USP2: variants seen among roughly 807,000 people sequenced by gnomAD.
USP2 encodes ubiquitin carboxyl-terminal hydrolase 2.
Under a neutral mutation model 72.0 loss-of-function variants are expected in USP2, and 33 were observed. The ratio of observed to expected loss-of-function variants is 0.46; its 90% CI spans 0.35 to 0.61. USP2 has a LOEUF of 0.61. Ranked by LOEUF, USP2 falls within the 20% of genes least tolerant of loss-of-function variation. The probability of loss-of-function intolerance (pLI) is 0.01; values close to 1 mark genes in which losing one functional copy is unlikely to be tolerated. For synonymous variants in USP2, 296 were observed against 312.5 expected (o/e 0.95, Z 0.56); for missense variants, 691 against 797.8 (o/e 0.87, Z 1.61).
At position 119,373,167 on chromosome 11, in the gene USP2, C is replaced by T. The variant is rs751321993; in HGVS notation, c.314G>A (p.Ser105Asn). 1.2e-6 allele frequency: 2 copies of T among 1,614,044 alleles called. No homozygotes were observed. Among genetic ancestry groups the T allele is most frequent in the African/African-American group, 2.7e-5 (2 of 74,920 alleles). ...GAATCCGCTGCCCCCGCTGAGGCCACTGCCTAAAGGCCGCTCAGTACCCCG... is the reference window on the plus strand; with the variant it reads ...GAATCCGCTGCCCCCGCTGAGGCCATTGCCTAAAGGCCGCTCAGTACCCCG... ...QTRGTERPLG[S>N]GLSGGSGFPY... Residue 105 changes from serine (S) to asparagine (N), a missense_variant, in exon 2 of 13, where the codon AGT becomes AAT. Ser to Asn is a conservative substitution (Grantham distance 46, BLOSUM62 1). Coordinates refer to ENST00000260187, the MANE Select transcript of USP2 (RefSeq NM_004205.5).
At chr11:119,372,684 C>G in intron 2 of USP2, 23 bp downstream of exon 2, 1 of 1,507,346 alleles carries the variant, frequency 6.6e-7, no homozygotes, top group South Asian at 1.3e-5. Flanking sequence ...CAGCCTATCC[C>G]CGGTCCCCAA....
intron 2 of USP2, among the ~76,000 whole-genome samples, chr11:119,372,385 A>G (rs576689578): frequency 8.7e-4 from 133 of 152,382 alleles, no homozygotes; most frequent in African/African-American, 3.1e-3. Flanking sequence ...CAAGGCCTGC[A>G]GGAGACACTG....
chr11:119,363,777 G>A, intron 2 of USP2: 1 of 1,210,156 alleles, frequency 8.3e-7, no homozygotes, highest in Non-Finnish European at 1.1e-6. Context: ...GGGGCGCGTG[G>A]CGGGCAGAGG....
In USP2 at chr11:119,373,476, G is replaced by A. The variant is rs772063140; in HGVS notation, c.5C>T (p.Ser2Phe). 2 of 1,577,816 alleles carry A rather than the reference G, an allele frequency of 1.3e-6. No homozygotes were observed. Among genetic ancestry groups the A allele is most frequent in the Non-Finnish European group, 1.7e-6 (2 of 1,168,010 alleles). Residue 2 changes from serine (S) to phenylalanine (F), a missense_variant, in exon 2 of 13, where the codon TCC becomes TTC. Coordinates refer to ENST00000260187, the MANE Select transcript of USP2 (RefSeq NM_004205.5). M[S>F]QLSSTLKRYT... ...GCGCTTCAGGGTGGAGGAGAGCTGGGACATCCTTCAGGGTGGCACTCAGTG... is the reference window on the plus strand; with the variant it reads ...GCGCTTCAGGGTGGAGGAGAGCTGGAACATCCTTCAGGGTGGCACTCAGTG...
chr11:119,376,776 G>A (rs1168611177), intron 1 of USP2, among the ~76,000 whole-genome samples: 1 of 152,252 alleles, frequency 6.6e-6, no homozygotes, highest in African/African-American at 2.4e-5. Flanking sequence ...CCAGGCCCCA[G>A]GCATGTTGAG....
At chr11:119,362,165 C>A (rs1591320791) in intron 2 of USP2, among the ~76,000 whole-genome samples, 1 of 152,276 alleles carries the variant, frequency 6.6e-6, no homozygotes, top group East Asian at 1.9e-4. Context: ...AAAGCAGGCC[C>A]TCAGCTGAGA....
chr11:119,375,024 C>T (rs921033754), intron 1 of USP2, among the ~76,000 whole-genome samples: 2 of 152,206 alleles, frequency 1.3e-5, no homozygotes, highest in Non-Finnish European at 2.9e-5. Context: ...AGCATGGCTC[C>T]GCCCTCTGAA....
chr11:119,380,697 T>TTCTGACTCCAG (rs1193625432), intron 1 of USP2: 2 of 154,866 alleles, frequency 1.3e-5, no homozygotes, highest in Non-Finnish European at 2.9e-5. Flanking sequence ...CCAGTCCTCA[T>TTCTGACTCCAG]TCTGACTCCA....
intron 1 of USP2, among the ~76,000 whole-genome samples, chr11:119,376,562 C>T (rs1267061894): frequency 6.6e-6 from 1 of 152,278 alleles, no homozygotes; most frequent in Non-Finnish European, 1.5e-5. Context: ...TGGGGGCAGT[C>T]CCCTGCCCAG....
At position 119,358,804 on chromosome 11, in the gene USP2, T is replaced by C. The variant is rs147093004; in HGVS notation, c.1206A>G (p.Lys402=). The part of the protein sequence containing the change: ...DDEKGRQMWR[K]YLEREDSRIG... ...TCCTACTGTCTTCCCGTTCTAGATATTTTCTCCACATCTGTCGGCCTTTCT... is the reference window on the plus strand; with the variant it reads ...TCCTACTGTCTTCCCGTTCTAGATACTTTCTCCACATCTGTCGGCCTTTCT... Residue 402 remains lysine (K), a synonymous_variant, in exon 7 of 13, where the codon AAA becomes AAG. Transcript: ENST00000260187. 8 of 1,613,968 alleles carry C rather than the reference T, an allele frequency of 5.0e-6. No individual in the cohort carries two copies. The highest frequency in any genetic ancestry group is 6.8e-6 in the Non-Finnish European group (8 of 1,180,042).
intron 2 of USP2, among the ~76,000 whole-genome samples, chr11:119,368,362 C>T (rs923937890): frequency 2.6e-5 from 4 of 152,182 alleles, no homozygotes; most frequent in Admixed American, 6.5e-5. Flanking sequence ...AGTGTGGCTG[C>T]GTGAACGGAG....
At chr11:119,373,949 A>G (rs541451864) in intron 1 of USP2, among the ~76,000 whole-genome samples, 10 of 152,302 alleles carry the variant, frequency 6.6e-5, no homozygotes, top group African/African-American at 2.4e-4. Flanking sequence ...AGTTAAGACC[A>G]CATCTGTCCC....
At chr11:119,360,446 C>T (rs1445994873) in intron 2 of USP2, 21 of 611,740 alleles carry the variant, frequency 3.4e-5, no homozygotes, top group Non-Finnish European at 5.3e-5. Context: ...TTTTTTGAGA[C>T]GGAATCTCAC....
At chr11:119,371,275 TC>T (rs771722933) in intron 2 of USP2, among the ~76,000 whole-genome samples, 2 of 151,984 alleles carry the variant, frequency 1.3e-5, no homozygotes, top group African/African-American at 2.4e-5. Context: ...CCCGAGCCCC[TC>T]CGAGGAGAGC....
chr11:119,369,401 C>T (rs960083819), intron 2 of USP2, among the ~76,000 whole-genome samples: 2 of 152,024 alleles, frequency 1.3e-5, no homozygotes, highest in African/African-American at 4.8e-5. Context: ...TAGAACTGTT[C>T]TCCCTGGTCA....
Position 119,373,072 on chromosome 11 carries a change from T to C in USP2, c.409A>G (p.Thr137Ala). ...INAYDQGVTL[T>A]QKLDSQSDLA... ...TCTGATTGGCTGTCCAGCTTCTGGG[T>C]TAGGGTCACCCCCTGGTCATAGGCA... Residue 137 changes from threonine to alanine, a missense_variant, in exon 2 of 13, where the codon ACC becomes GCC. Transcript: ENST00000260187. 6.2e-7 allele frequency: 1 copy of C among 1,613,940 alleles called. No individual in the cohort carries two copies. Among genetic ancestry groups the C allele is most frequent in the Non-Finnish European group, 8.5e-7 (1 of 1,180,002 alleles).
At chr11:119,363,464 G>A (rs1289087944) in intron 2 of USP2, among the ~76,000 whole-genome samples, 2 of 152,172 alleles carry the variant, frequency 1.3e-5, no homozygotes. Flanking sequence ...TTCCTCGCCG[G>A]GGTTTGGCCT....
chr11:119,358,600 G>A, intron 7 of USP2, 173 bp downstream of exon 7: 3 of 795,900 alleles, frequency 3.8e-6, no homozygotes, highest in Non-Finnish European at 6.1e-6. Flanking sequence ...ACAGGCATGA[G>A]CCACCATGCC....
chr11:119,371,105 TCCCGA>T (rs1950919794), intron 2 of USP2, among the ~76,000 whole-genome samples: 1 of 152,158 alleles, frequency 6.6e-6, no homozygotes, highest in African/African-American at 2.4e-5. Context: ...CCAGGCCCCA[TCCCGA>T]GAGAGTTTGC....
Sources: allele counts gnomAD v4.1 joint callset (sites outside exome capture counted in the v4.1 genomes callset), GRCh38; gene constraint gnomAD v4.1.1; transcripts MANE v1.5; gene names NCBI Gene and HGNC (gene_info 2026-07-23, HGNC 2026-07-21).